Variants in GRAP2 observed in about 807,000 individuals in gnomAD.
GRAP2 encodes GRB2 related adaptor protein 2, also known as GRB2-related adapter protein 2.
A neutral mutation model predicts 43.5 loss-of-function variants in GRAP2; 31 were observed. That is an observed-to-expected ratio of 0.71 (90% CI 0.54 to 0.96). The LOEUF is 0.96. Ranked by LOEUF, GRAP2 falls within the 40% of genes least tolerant of loss-of-function variation. The pLI, the probability that GRAP2 is intolerant of heterozygous loss-of-function variation, is 0.00. For synonymous variants in GRAP2, 156 were observed against 164.8 expected (o/e 0.95, Z 0.41); for missense variants, 371 against 424.4 (o/e 0.87, Z 1.11).
At chr22:39,963,732 CCATGGT>C (rs2145672664) in intron 4 of GRAP2, among the ~76,000 whole-genome samples, 1 of 152,286 alleles carries the variant, frequency 6.6e-6, no homozygotes, top group African/African-American at 2.4e-5. Flanking sequence ...TAAGAAACCT[CCATGGT>C]CAGGCGCAGT....
chr22:39,894,809 G>C, the GRAP2 span, among the ~76,000 whole-genome samples: 3 of 152,202 alleles, frequency 2.0e-5, no homozygotes, highest in Non-Finnish European at 4.4e-5. Context: ...GACAGGCACC[G>C]TCAGAGAAGA....
intron 1 of GRAP2, among the ~76,000 whole-genome samples, chr22:39,939,300 C>T (rs532073209): frequency 2.0e-5 from 3 of 152,218 alleles, no homozygotes; most frequent in Non-Finnish European, 4.4e-5. Context: ...CGGTGGCTCG[C>T]GCCTGTAATC....
At chr22:39,951,048 T>TCC (rs1400332301) in intron 2 of GRAP2, among the ~76,000 whole-genome samples, 3 of 152,238 alleles carry the variant, frequency 2.0e-5, no homozygotes, top group African/African-American at 7.2e-5. Context: ...ACCATCAGTT[T>TCC]CCTGGGGCAG....
chr22:39,960,243 G>A (rs1166143100), intron 4 of GRAP2, 69 bp downstream of exon 4: 2 of 1,465,298 alleles, frequency 1.4e-6, no homozygotes, highest in East Asian at 4.5e-5. Flanking sequence ...CTGAAGCCAT[G>A]AAGGGACCTC....
At chr22:39,959,256 A>C (rs1364224020) in intron 3 of GRAP2, among the ~76,000 whole-genome samples, 1 of 152,204 alleles carries the variant, frequency 6.6e-6, no homozygotes, top group Non-Finnish European at 1.5e-5. Flanking sequence ...TATTTCATAC[A>C]TGCCACGCTG....
At chr22:39,916,795 C>T (rs2066606643) in intron 1 of GRAP2, among the ~76,000 whole-genome samples, 1 of 152,090 alleles carries the variant, frequency 6.6e-6, no homozygotes, top group Non-Finnish European at 1.5e-5. Context: ...AAAACAAATC[C>T]TTGAGCTGTT....
chr22:39,935,483 C>T (rs2066797561), intron 1 of GRAP2, among the ~76,000 whole-genome samples: 2 of 152,122 alleles, frequency 1.3e-5, no homozygotes, highest in East Asian at 3.9e-4. Flanking sequence ...AGGTGTTGAA[C>T]CAAACTCAAA....
chr22:39,913,192 C>CAAAAA (rs397868164), intron 1 of GRAP2, among the ~76,000 whole-genome samples: 1 of 62,380 alleles, frequency 1.6e-5, no homozygotes. Flanking sequence ...GACTCCATCT[C>CAAAAA]AAAAAAAAAA....
At chr22:39,957,064 TG>T (rs2067061666) in intron 3 of GRAP2, among the ~76,000 whole-genome samples, 1 of 152,160 alleles carries the variant, frequency 6.6e-6, no homozygotes, top group African/African-American at 2.4e-5. Flanking sequence ...AAATTGAGAT[TG>T]GGCTTCGTTT....
In GRAP2 at chr22:39,925,267, C is replaced by G. The variant is rs551900247; in HGVS notation, c.-14-21826C>G. On this transcript the variant is annotated intron_variant, in intron 1 of 7. Transcript: ENST00000344138. ...AGACTTGAGATCATGAGACCCTGAC[C>G]CAGGCTGGGGACAATGGGATGTCTC... Among the ~76,000 whole-genome samples the G allele has an allele frequency of 2.0e-5, 3 of 152,250 alleles. No individual in the cohort carries two copies. The South Asian group carries it at 6.2e-4, about 32-fold the overall frequency.
chr22:39,949,129 C>T (rs1477720328), intron 2 of GRAP2, among the ~76,000 whole-genome samples: 1 of 152,110 alleles, frequency 6.6e-6, no homozygotes, highest in Non-Finnish European at 1.5e-5. Flanking sequence ...ACTCAGGATG[C>T]CGAGAATCAC....
intron 1 of GRAP2, among the ~76,000 whole-genome samples, chr22:39,925,672 T>C (rs1163096545): frequency 6.6e-6 from 1 of 152,196 alleles, no homozygotes; most frequent in Non-Finnish European, 1.5e-5. Flanking sequence ...CGTGTGCCAA[T>C]TGTGGTGCAA....
intron 1 of GRAP2, among the ~76,000 whole-genome samples, chr22:39,911,369 C>G (rs1188764519): frequency 4.6e-5 from 7 of 151,874 alleles, no homozygotes; most frequent in South Asian, 2.1e-4. Flanking sequence ...TAAAATGACT[C>G]TCTTCCCTCC....
intron 1 of GRAP2, among the ~76,000 whole-genome samples, chr22:39,935,414 T>C (rs1212714476): frequency 6.6e-6 from 1 of 152,174 alleles, no homozygotes; most frequent in African/African-American, 2.4e-5. Context: ...AGGGGCACTA[T>C]TTAATCAAAA....
intron 4 of GRAP2, among the ~76,000 whole-genome samples, chr22:39,964,898 AG>A (rs1426894388): frequency 6.6e-6 from 1 of 152,182 alleles, no homozygotes; most frequent in African/African-American, 2.4e-5. Context: ...CTCATTTGAA[AG>A]AAAAAAGAAG....
intron 1 of GRAP2, among the ~76,000 whole-genome samples, chr22:39,907,736 T>A (rs1031528197): frequency 6.6e-6 from 1 of 152,224 alleles, no homozygotes; most frequent in Non-Finnish European, 1.5e-5. Context: ...AGTGAGATCC[T>A]GTCTCAAAAA....
chr22:39,897,565 G>A (rs1320902567), upstream of GRAP2, among the ~76,000 whole-genome samples: 1 of 148,048 alleles, frequency 6.8e-6, no homozygotes, highest in Non-Finnish European at 1.5e-5. Flanking sequence ...TATTGCCCAG[G>A]CTGGAGTGCA....
intron 1 of GRAP2, among the ~76,000 whole-genome samples, chr22:39,909,469 T>TAA (rs890897685): frequency 1.4e-4 from 21 of 152,240 alleles, no homozygotes; most frequent in Admixed American, 9.2e-4. Flanking sequence ...TAGGTGTTAT[T>TAA]ATTATCAAGA....
At chr22:39,895,934 A>G in the GRAP2 span, among the ~76,000 whole-genome samples, 942 of 152,302 alleles carry the variant, frequency 6.2e-3, 11 homozygotes, top group African/African-American at 0.022. Context: ...GTAATTGCCC[A>G]GAGATATTTA....
Sources: allele counts gnomAD v4.1 joint callset (sites outside exome capture counted in the v4.1 genomes callset), GRCh38; gene constraint gnomAD v4.1.1; transcripts MANE v1.5; gene names NCBI Gene and HGNC (gene_info 2026-07-23, HGNC 2026-07-21).